HMBOX1: variants seen among roughly 807,000 people sequenced by gnomAD.
HMBOX1 encodes the protein homeobox containing 1, also known as homeobox-containing protein 1.
A neutral mutation model predicts 54.5 loss-of-function variants in HMBOX1; 14 were observed. The ratio of observed to expected loss-of-function variants is 0.26; its 90% CI spans 0.17 to 0.40. HMBOX1 has a LOEUF of 0.40. HMBOX1 is among the 10% of genes least tolerant of loss of function. HMBOX1 has a pLI of 1.00. For synonymous variants in HMBOX1, 160 were observed against 181.0 expected (o/e 0.88, Z 0.93); for missense variants, 332 against 514.4 (o/e 0.65, Z 3.43).
chr8:28,926,855 G>A, intron 1 of HMBOX1, among the ~76,000 whole-genome samples: 1 of 152,126 alleles, frequency 6.6e-6, no homozygotes. Flanking sequence ...TGTAAAAGAA[G>A]GTTTTAGTAC....
intron 3 of HMBOX1, among the ~76,000 whole-genome samples, chr8:28,978,823 G>GAT (rs1828874641): frequency 6.7e-6 from 1 of 148,304 alleles, no homozygotes; most frequent in Admixed American, 6.7e-5. Context: ...GTAATGTAGA[G>GAT]ATATATACAA....
chr8:28,914,109 C>G (rs960782371), intron 1 of HMBOX1, among the ~76,000 whole-genome samples: 1 of 152,132 alleles, frequency 6.6e-6, no homozygotes. Flanking sequence ...CTCAAGTGAT[C>G]TGCCTGCCTA....
chr8:28,999,834 C>T (rs1355999856), intron 4 of HMBOX1, among the ~76,000 whole-genome samples: 1 of 151,898 alleles, frequency 6.6e-6, no homozygotes, highest in Non-Finnish European at 1.5e-5. Flanking sequence ...TTCTTTTAGT[C>T]TTTAAAATGG....
intron 3 of HMBOX1, among the ~76,000 whole-genome samples, chr8:28,976,010 A>G (rs1388006096): frequency 1.3e-5 from 2 of 152,218 alleles, no homozygotes; most frequent in Non-Finnish European, 2.9e-5. Flanking sequence ...CTAACCCACT[A>G]GAATGGAACT....
chr8:28,978,212 T>G lies in HMBOX1; in HGVS notation c.501-1859T>G, dbSNP rs78158749. 1.4e-4 allele frequency among the ~76,000 whole-genome samples: 22 copies of G among 152,356 alleles called. No individual in the cohort carries two copies. The East Asian group carries it at 4.1e-3, about 28-fold the overall frequency. Reference sequence around the variant, plus strand: ...GGAGCATGGTCTTACAACAGAGTCCTTTCAACAGAGCATGTAACAACTGCT... The same window carrying G: ...GGAGCATGGTCTTACAACAGAGTCCGTTCAACAGAGCATGTAACAACTGCT... On this transcript the variant is annotated intron_variant, in intron 3 of 9. Transcript: ENST00000287701.
chr8:28,981,700 T>C (rs558043745), intron 4 of HMBOX1, among the ~76,000 whole-genome samples: 2 of 152,282 alleles, frequency 1.3e-5, no homozygotes, highest in African/African-American at 4.8e-5. Context: ...TTTAAAATAG[T>C]AGCTTTGAAA....
intron 1 of HMBOX1, among the ~76,000 whole-genome samples, chr8:28,901,885 TG>T (rs1219838095): frequency 5.3e-5 from 8 of 152,212 alleles, no homozygotes; most frequent in African/African-American, 1.4e-4. Flanking sequence ...ACCCACTTAA[TG>T]TATTTGTATA....
chr8:28,905,318 A>T (rs1412003275), intron 1 of HMBOX1, among the ~76,000 whole-genome samples: 1 of 152,150 alleles, frequency 6.6e-6, no homozygotes, highest in Non-Finnish European at 1.5e-5. Context: ...AAACAAAACA[A>T]AAAACCAGGC....
intron 6 of HMBOX1, among the ~76,000 whole-genome samples, chr8:29,037,499 C>A (rs1365618201): frequency 6.6e-6 from 1 of 151,998 alleles, no homozygotes; most frequent in Non-Finnish European, 1.5e-5. Context: ...AATTAAAATA[C>A]CTCTTAATAC....
intron 1 of HMBOX1, among the ~76,000 whole-genome samples, chr8:28,915,087 G>T (rs1442605375): frequency 6.6e-6 from 1 of 152,152 alleles, no homozygotes; most frequent in African/African-American, 2.4e-5. Context: ...GTTCTAAGAT[G>T]TCATCAGTAA....
rs535681148 is a variant in HMBOX1, at chr8:29,006,679, T to C, written c.587-2393T>C. Reference sequence around the variant, plus strand: ...TTTAAAGCCTACCAGTGTTTTGTTATATAAATATACTCTAACTTAACTAAT... The same window carrying C: ...TTTAAAGCCTACCAGTGTTTTGTTACATAAATATACTCTAACTTAACTAAT... On this transcript the variant is annotated intron_variant, in intron 4 of 9. Coordinates refer to ENST00000287701, the MANE Select transcript of HMBOX1 (RefSeq NM_001135726.3). Among the ~76,000 whole-genome samples the C allele has an allele frequency of 1.3e-3, 195 of 152,350 alleles. 1 individual carries two copies. Among genetic ancestry groups the C allele is most frequent in the African/African-American group, 4.4e-3 (181 of 41,578 alleles).
intron 1 of HMBOX1, among the ~76,000 whole-genome samples, chr8:28,933,693 A>G (rs1382272416): frequency 2.0e-5 from 3 of 152,236 alleles, no homozygotes; most frequent in Admixed American, 6.5e-5. Flanking sequence ...AAATTTGACA[A>G]CTTTGATAAA....
At chr8:28,952,523 C>T (rs778368061) in intron 1 of HMBOX1, among the ~76,000 whole-genome samples, 3 of 152,114 alleles carry the variant, frequency 2.0e-5, no homozygotes, top group East Asian at 1.9e-4. Flanking sequence ...CATTAGGCAC[C>T]GTGCCCAGCC....
chr8:28,943,589 G>A (rs1275917480), intron 1 of HMBOX1, among the ~76,000 whole-genome samples: 3 of 152,172 alleles, frequency 2.0e-5, no homozygotes, highest in African/African-American at 4.8e-5. Flanking sequence ...TGTATCTGCT[G>A]TTTTTCTAGT....
rs1452853705 is a variant in HMBOX1, at chr8:28,964,946, T to G, written c.23+1056T>G. Among the ~76,000 whole-genome samples the G allele has an allele frequency of 3.9e-5, 6 of 152,250 alleles. No homozygotes were observed. The East Asian group carries it at 1.2e-3, about 29-fold the overall frequency. ...CTGTTACCATTTCTATTTTCAACTT[T>G]GAATTTTGACATTAATTTTAAATTG... On this transcript the variant is annotated intron_variant, in intron 2 of 9. Coordinates refer to ENST00000287701, the MANE Select transcript of HMBOX1 (RefSeq NM_001135726.3).
intron 4 of HMBOX1, among the ~76,000 whole-genome samples, chr8:28,984,128 T>C (rs1563524487): frequency 6.6e-6 from 1 of 152,198 alleles, no homozygotes; most frequent in Non-Finnish European, 1.5e-5. Flanking sequence ...CACCTAGAGC[T>C]CACTCCCTGC....
chr8:28,900,713 A>G (rs1035433352), intron 1 of HMBOX1, among the ~76,000 whole-genome samples: 6 of 152,164 alleles, frequency 3.9e-5, no homozygotes, highest in Non-Finnish European at 7.3e-5. Flanking sequence ...AACTCTTAAG[A>G]AGACAGTCTT....
intron 4 of HMBOX1, among the ~76,000 whole-genome samples, chr8:28,991,004 G>A (rs1418268156): frequency 1.3e-5 from 2 of 151,604 alleles, no homozygotes; most frequent in African/African-American, 4.8e-5. Context: ...TAATAACGTT[G>A]GCCTCATGAG....
intron 1 of HMBOX1, among the ~76,000 whole-genome samples, chr8:28,898,056 T>C (rs1014610360): frequency 1.3e-5 from 2 of 152,320 alleles, no homozygotes; most frequent in South Asian, 4.2e-4. Context: ...ATAAAGCCTG[T>C]CTTAAAAGAT....
Sources: gnomAD v4.1 joint callset for allele counts (sites outside exome capture counted in the v4.1 genomes callset) on GRCh38, gnomAD v4.1.1 for gene constraint, MANE v1.5 for transcripts, NCBI Gene and HGNC (gene_info 2026-07-23, HGNC 2026-07-21) for gene names.